The following PRKAG2 variants were observed in gnomAD, a reference collection of about 807,000 sequenced individuals.
The protein encoded by PRKAG2 is 5'-AMP-activated protein kinase subunit gamma-2.
PRKAG2 carries 26 observed loss-of-function variants against 69.6 expected under a neutral mutation model. The ratio of observed to expected loss-of-function variants is 0.37; its 90% CI spans 0.27 to 0.52. PRKAG2 has a LOEUF of 0.52. PRKAG2 is among the 20% of genes least tolerant of loss of function. The probability of loss-of-function intolerance (pLI) is 0.90; values close to 1 mark genes in which losing one functional copy is unlikely to be tolerated. For synonymous variants in PRKAG2, 293 were observed against 285.0 expected (o/e 1.03, Z -0.28); for missense variants, 557 against 740.0 (o/e 0.75, Z 2.87).
chr7:151,622,885 T>C (rs1340607558), intron 5 of PRKAG2, among the ~76,000 whole-genome samples: 1 of 152,186 alleles, frequency 6.6e-6, no homozygotes, highest in African/African-American at 2.4e-5. Flanking sequence ...TGATGGAGAC[T>C]GTACTACATC....
intron 5 of PRKAG2, among the ~76,000 whole-genome samples, chr7:151,625,297 G>A (rs1822567472): frequency 6.6e-6 from 1 of 152,156 alleles, no homozygotes; most frequent in Non-Finnish European, 1.5e-5. Flanking sequence ...GGAGCTGTCT[G>A]TGTAAAGTCT....
chr7:151,782,208 C>T (rs1160547852), intron 2 of PRKAG2, among the ~76,000 whole-genome samples: 2 of 151,606 alleles, frequency 1.3e-5, no homozygotes, highest in Non-Finnish European at 2.9e-5. Context: ...TCTTGAACCC[C>T]GAAGGCGGAG....
chr7:151,581,054 C>T (rs1259725420), intron 6 of PRKAG2, among the ~76,000 whole-genome samples: 4 of 152,016 alleles, frequency 2.6e-5, no homozygotes, highest in African/African-American at 7.3e-5. Context: ...ATATTTCATG[C>T]ACCCTATAAG....
At chr7:151,566,035 T>C (rs1035334198) in intron 11 of PRKAG2, 150 bp from the exon 12 acceptor site, 4 of 868,502 alleles carry the variant, frequency 4.6e-6, no homozygotes, top group Non-Finnish European at 7.4e-6. Context: ...CATGAGAAAA[T>C]TACAAAGGAC....
chr7:151,588,012 C>T (rs1585067316), intron 6 of PRKAG2, among the ~76,000 whole-genome samples: 1 of 151,368 alleles, frequency 6.6e-6, no homozygotes, highest in Non-Finnish European at 1.5e-5. Flanking sequence ...TCTTATAAAA[C>T]ACTTGTTAAA....
intron 6 of PRKAG2, among the ~76,000 whole-genome samples, chr7:151,578,800 T>C (rs1192179227): frequency 6.6e-6 from 1 of 152,188 alleles, no homozygotes; most frequent in Admixed American, 6.5e-5. Flanking sequence ...TGTAACTAAA[T>C]GGCATCCAGG....
intron 1 of PRKAG2, among the ~76,000 whole-genome samples, chr7:151,868,033 G>C (rs1177851624): frequency 1.3e-5 from 2 of 152,188 alleles, no homozygotes; most frequent in Non-Finnish European, 2.9e-5. Flanking sequence ...GGGTTACGGA[G>C]CAAACTGGTC....
chr7:151,836,226 T>G lies in PRKAG2; in HGVS notation c.114+40281A>C, dbSNP rs2079144427. ...GTCTGTCATCTCTTCCCCAGGAGACTGAGAGACTCGGGGGAGCAGGGGCTG... is the reference window on the plus strand; with the variant it reads ...GTCTGTCATCTCTTCCCCAGGAGACGGAGAGACTCGGGGGAGCAGGGGCTG... On this transcript the variant is annotated intron_variant, in intron 1 of 15. Transcript: ENST00000287878. This position sits in a 1 kb window ranked among gnomAD's most constrained non-coding sequence, Gnocchi z 4.1. Among the ~76,000 whole-genome samples the G allele has an allele frequency of 6.6e-6, 1 of 152,208 alleles. No individual in the cohort carries two copies.
At chr7:151,577,747 T>G (rs1809328296) in intron 6 of PRKAG2, among the ~76,000 whole-genome samples, 1 of 152,018 alleles carries the variant, frequency 6.6e-6, no homozygotes, top group African/African-American at 2.4e-5. Context: ...TATCAAATAC[T>G]AGCATACCAA....
At chr7:151,677,805 G>C (rs141366725) in intron 3 of PRKAG2, among the ~76,000 whole-genome samples, 1 of 152,244 alleles carries the variant, frequency 6.6e-6, no homozygotes, top group African/African-American at 2.4e-5. Context: ...CGCTTTCTGT[G>C]GTCACTTTCC....
intron 1 of PRKAG2, among the ~76,000 whole-genome samples, chr7:151,852,354 G>A (rs1447240985): frequency 6.6e-6 from 1 of 152,114 alleles, no homozygotes; most frequent in African/African-American, 2.4e-5. Context: ...AATTAACCGG[G>A]CATGGTAGCA....
At chr7:151,591,924 A>G (rs3789813) in intron 6 of PRKAG2, among the ~76,000 whole-genome samples, 34,589 of 152,048 alleles carry the variant, frequency 0.23, 5,503 homozygotes, top group African/African-American at 0.45. Context: ...TATAGAGACC[A>G]AACAAGCTAG....
Position 151,773,034 on chromosome 7 carries a change from A to G in PRKAG2, c.466+8118T>C, listed in dbSNP as rs1404310311. Among the ~76,000 whole-genome samples the G allele has an allele frequency of 1.9e-3, 58 of 30,256 alleles. 1 individual carries two copies. Among genetic ancestry groups the G allele is most frequent in the African/African-American group, 6.0e-3 (53 of 8,878 alleles). The allele number at this position is 30,256 out of a possible 152,430, so 19.8% of individuals were successfully genotyped here. A position where few individuals can be genotyped will look rare whatever the true frequency, so the allele number is the denominator to read the frequency against. ...GAAAGAAAGAAAGAAAGAGAGAGAG[A>G]GAGAGAGAGAGAGAGAGAGGGAGGG... On this transcript the variant is annotated intron_variant, in intron 3 of 15. Transcript: ENST00000287878.
chr7:151,852,571 A>T (rs2079597782), intron 1 of PRKAG2, among the ~76,000 whole-genome samples: 1 of 151,900 alleles, frequency 6.6e-6, no homozygotes, highest in African/African-American at 2.4e-5. Context: ...TAGACCACAG[A>T]CCTGTAGGGG....
At chr7:151,656,887 AG>A (rs1829501079) in intron 4 of PRKAG2, among the ~76,000 whole-genome samples, 1 of 152,186 alleles carries the variant, frequency 6.6e-6, no homozygotes, top group Non-Finnish European at 1.5e-5. Flanking sequence ...CTGTAATTCC[AG>A]CACTTTGGGA....
At chr7:151,858,550 C>T (rs1207207648) in intron 1 of PRKAG2, among the ~76,000 whole-genome samples, 1 of 152,178 alleles carries the variant, frequency 6.6e-6, no homozygotes, top group Non-Finnish European at 1.5e-5. Flanking sequence ...CCACTATTCA[C>T]CTGCCCACAC....
At chr7:151,795,875 A>ATG in intron 1 of PRKAG2, among the ~76,000 whole-genome samples, 1 of 115,396 alleles carries the variant, frequency 8.7e-6, no homozygotes, top group East Asian at 3.1e-4. Context: ...ATATATATAT[A>ATG]TATATATATA....
rs370007924 is a variant in PRKAG2, at chr7:151,829,866, AGGGGGAC to A, written c.115-43332_115-43326del. ...GGGAAGCCAGGCAGGAGAGTCCTGG[AGGGGGAC>A]GGTGGCCCCGTGTACAGCCTGCGCA... On this transcript the variant is annotated intron_variant, in intron 1 of 15. Coordinates refer to ENST00000287878, the MANE Select transcript of PRKAG2 (RefSeq NM_016203.4). 5.3e-4 allele frequency among the ~76,000 whole-genome samples: 81 copies of A among 151,912 alleles called. 1 individual carries two copies. Among genetic ancestry groups the A allele is most frequent in the African/African-American group, 1.9e-3 (78 of 41,508 alleles).
At chr7:151,791,942 A>C (rs549802241) in intron 1 of PRKAG2, among the ~76,000 whole-genome samples, 12 of 152,352 alleles carry the variant, frequency 7.9e-5, no homozygotes, top group African/African-American at 2.9e-4. Flanking sequence ...ACTATAGATG[A>C]AGATACTGAG....
Sources: allele counts gnomAD v4.1 joint callset (sites outside exome capture counted in the v4.1 genomes callset), GRCh38; gene constraint gnomAD v4.1.1; non-coding constraint Gnocchi (gnomAD v3.1); transcripts MANE v1.5; gene names NCBI Gene and HGNC (gene_info 2026-07-23, HGNC 2026-07-21).